ZNF804A: variants seen among roughly 807,000 people sequenced by gnomAD.
The protein encoded by ZNF804A is zinc finger protein 804A.
ZNF804A carries 2 observed loss-of-function variants against 16.5 expected under a neutral mutation model. The ratio of observed to expected loss-of-function variants is 0.12; its 90% CI spans 0.05 to 0.38. ZNF804A has a LOEUF of 0.38. Ranked by LOEUF, ZNF804A falls within the 10% of genes least tolerant of loss-of-function variation. The probability of loss-of-function intolerance (pLI) is 0.99; values close to 1 mark genes in which losing one functional copy is unlikely to be tolerated. For synonymous variants in ZNF804A, 534 were observed against 489.6 expected (o/e 1.09, Z -1.20); for missense variants, 1,473 against 1,390.7 (o/e 1.06, Z -0.94).
intron 2 of ZNF804A, among the ~76,000 whole-genome samples, chr2:184,905,115 C>G (rs1223804132): frequency 1.3e-5 from 2 of 149,362 alleles, no homozygotes; most frequent in African/African-American, 4.9e-5. Context: ...GTGTGTGTGT[C>G]ATTATGATTA....
At chr2:184,712,304 T>C (rs1329729804) in intron 1 of ZNF804A, among the ~76,000 whole-genome samples, 1 of 151,752 alleles carries the variant, frequency 6.6e-6, no homozygotes, top group African/African-American at 2.4e-5. Context: ...CCAGACATAG[T>C]ATATTCCTGG....
chr2:184,917,794 T>TACACAC lies in ZNF804A; in HGVS notation c.256-15785_256-15780dup, dbSNP rs148689593. On this transcript the variant is annotated intron_variant, in intron 2 of 3. Transcript: ENST00000302277. ...ATGCAGATAAGGCATAACTAGCACATACACACACACACACACACACACACA... is the reference window on the plus strand; with the variant it reads ...ATGCAGATAAGGCATAACTAGCACATACACACACACACACACACACACACACACACA... Among the ~76,000 whole-genome samples the TACACAC allele has an allele frequency of 2.0e-4, 28 of 143,010 alleles. No homozygotes were observed. The East Asian group carries it at 2.9e-3, about 15-fold the overall frequency. 93.8% of individuals were successfully genotyped at this position (143,010 alleles called of 152,430 possible). A position where few individuals can be genotyped will look rare whatever the true frequency, so the allele number is the denominator to read the frequency against.
chr2:184,936,628 T>G lies in ZNF804A; in HGVS notation c.1232T>G (p.Ile411Arg), dbSNP rs762799601. The stretch of plus-strand genomic sequence containing the variant: ...AATACTGAAGAGGTTAACATAACTA[T>G]ACATAAGAAAACAAATTTCTGCAAA... ...PSNTEEVNIT[I>R]HKKTNFCKRQ... The change falls in exon 4 of 4, where the codon ATA becomes AGA. Residue 411 changes from isoleucine (I) to arginine (R), a missense_variant. By Grantham distance (97) the Ile-to-Arg change is moderately conservative. Coordinates refer to ENST00000302277, the MANE Select transcript of ZNF804A (RefSeq NM_194250.2). The G allele has an allele frequency of 6.2e-7, 1 of 1,614,024 alleles. No individual in the cohort carries two copies. Among genetic ancestry groups the G allele is most frequent in the Non-Finnish European group, 8.5e-7 (1 of 1,179,938 alleles).
chr2:184,934,864 G>A (rs1685760080), intron 3 of ZNF804A, among the ~76,000 whole-genome samples: 1 of 151,968 alleles, frequency 6.6e-6, no homozygotes, highest in Non-Finnish European at 1.5e-5. Context: ...TCAAAAGATG[G>A]GAAAAGAAGT....
intron 1 of ZNF804A, among the ~76,000 whole-genome samples, chr2:184,686,128 C>T (rs1268313286): frequency 6.6e-6 from 1 of 152,232 alleles, no homozygotes; most frequent in African/African-American, 2.4e-5. Flanking sequence ...ACAACAGGAA[C>T]AGGCACTTCT....
intron 1 of ZNF804A, 142 bp from the exon 2 acceptor site, chr2:184,866,227 G>T: frequency 1.6e-6 from 1 of 611,844 alleles, no homozygotes; most frequent in Non-Finnish European, 2.7e-6. Context: ...ATTCTAACTT[G>T]GTTTTCTAGT....
intron 1 of ZNF804A, among the ~76,000 whole-genome samples, chr2:184,824,771 C>G: frequency 6.6e-6 from 1 of 152,110 alleles, no homozygotes; most frequent in East Asian, 1.9e-4. Flanking sequence ...CTGGAATCCT[C>G]TCAGAGCTGG....
intron 2 of ZNF804A, among the ~76,000 whole-genome samples, chr2:184,880,522 T>C (rs1304230699): frequency 6.6e-6 from 1 of 152,108 alleles, no homozygotes; most frequent in Non-Finnish European, 1.5e-5. Flanking sequence ...CAAGTTATTG[T>C]GTAACCTAGT....
chr2:184,622,326 A>T (rs1004151545), intron 1 of ZNF804A, among the ~76,000 whole-genome samples: 4 of 151,770 alleles, frequency 2.6e-5, no homozygotes, highest in African/African-American at 9.7e-5. Flanking sequence ...GTGTGAATTT[A>T]TGGTTTTTCG....
At chr2:184,820,152 G>C (rs770988112) in intron 1 of ZNF804A, among the ~76,000 whole-genome samples, 1 of 151,942 alleles carries the variant, frequency 6.6e-6, no homozygotes, top group Non-Finnish European at 1.5e-5. Context: ...GATGAACATT[G>C]ATGCAAAAAT....
intron 1 of ZNF804A, among the ~76,000 whole-genome samples, chr2:184,802,102 T>C (rs1694735755): frequency 6.6e-6 from 1 of 152,196 alleles, no homozygotes; most frequent in Non-Finnish European, 1.5e-5. Context: ...AGAGACCTGT[T>C]CATGGTAGTA....
chr2:184,881,995 G>T (rs1180771476), intron 2 of ZNF804A, among the ~76,000 whole-genome samples: 1 of 151,998 alleles, frequency 6.6e-6, no homozygotes, highest in South Asian at 2.1e-4. Context: ...GCACAAAATT[G>T]TAAGTTGGAT....
At chr2:184,896,093 T>G (rs1199632920) in intron 2 of ZNF804A, among the ~76,000 whole-genome samples, 1 of 151,972 alleles carries the variant, frequency 6.6e-6, no homozygotes, top group Non-Finnish European at 1.5e-5. Flanking sequence ...TTTCTGAAAA[T>G]TTTTGAATGT....
At chr2:184,626,919 A>G (rs1262392172) in intron 1 of ZNF804A, among the ~76,000 whole-genome samples, 1 of 152,220 alleles carries the variant, frequency 6.6e-6, no homozygotes, top group African/African-American at 2.4e-5. Context: ...ACTTTCACGT[A>G]ACAGCAGAAA....
intron 2 of ZNF804A, among the ~76,000 whole-genome samples, chr2:184,911,685 C>A (rs1478812774): frequency 6.6e-6 from 1 of 150,418 alleles, no homozygotes; most frequent in African/African-American, 2.4e-5. Flanking sequence ...GGAGACCTTT[C>A]ACCTCCTTGG....
chr2:184,926,830 T>A (rs1298732000), intron 2 of ZNF804A, among the ~76,000 whole-genome samples: 1 of 152,218 alleles, frequency 6.6e-6, no homozygotes, highest in Non-Finnish European at 1.5e-5. Flanking sequence ...ATTGCATTTT[T>A]CAGCTCCAGA....
chr2:184,755,564 T>C (rs1204115493), intron 1 of ZNF804A, among the ~76,000 whole-genome samples: 3 of 152,030 alleles, frequency 2.0e-5, no homozygotes, highest in African/African-American at 7.2e-5. Flanking sequence ...AATTGTGAGT[T>C]TTAGAACGCA....
chr2:184,823,837 T>C (rs1437733832), intron 1 of ZNF804A, among the ~76,000 whole-genome samples: 1 of 152,138 alleles, frequency 6.6e-6, no homozygotes, highest in East Asian at 1.9e-4. Flanking sequence ...GGAAATTACA[T>C]CCTGAAATGT....
At position 184,598,645 on chromosome 2, in the gene ZNF804A, G is replaced by T. The variant is rs962513898; in HGVS notation, c.-315G>T. The T allele has an allele frequency of 2.1e-5, 4 of 191,660 alleles. No individual in the cohort carries two copies. The highest frequency in any genetic ancestry group is 4.2e-5 in the Non-Finnish European group (4 of 94,354). The allele number at this position is 191,660 out of a possible 1,614,324, so 11.9% of individuals were successfully genotyped here. A position where few individuals can be genotyped will look rare whatever the true frequency, so the allele number is the denominator to read the frequency against. ...GGCCACCGCGCGGGCACTGACTCCC[G>T]CTCGGTTCCGTTTCGCCGGCCCGGC... is the stretch of plus-strand genomic sequence containing the variant. On this transcript the variant is annotated 5_prime_UTR_variant, in exon 1 of 4. Transcript: ENST00000302277.
Sources: allele counts gnomAD v4.1 joint callset (sites outside exome capture counted in the v4.1 genomes callset), GRCh38; gene constraint gnomAD v4.1.1; transcripts MANE v1.5; gene names NCBI Gene and HGNC (gene_info 2026-07-23, HGNC 2026-07-21).